The following DEK variants were observed in gnomAD, a reference collection of about 807,000 sequenced individuals.
DEK encodes the protein protein DEK.
A neutral mutation model predicts 46.8 loss-of-function variants in DEK; 28 were observed. The ratio of observed to expected loss-of-function variants is 0.60; its 90% CI spans 0.44 to 0.82. The LOEUF is 0.82. DEK is among the 40% of genes least tolerant of loss of function. The pLI is 0.00. For missense variants in DEK, 416 were observed against 430.6 expected (o/e 0.97, Z 0.30); for synonymous variants, 160 against 144.5 (o/e 1.11, Z -0.77).
At position 18,263,853 on chromosome 6, in the gene DEK, C is replaced by G; in HGVS notation, c.135G>C (p.Glu45Asp). The G allele has an allele frequency of 6.2e-7, 1 of 1,611,542 alleles. No homozygotes were observed. Among genetic ancestry groups the G allele is most frequent in the Non-Finnish European group, 8.5e-7 (1 of 1,178,798 alleles). Residue 45 changes from glutamate to aspartate, a missense_variant, in exon 2 of 11, where the codon GAG becomes GAC. By Grantham distance (45) the Glu-to-Asp change is conservative. Coordinates refer to ENST00000652689, the MANE Select transcript of DEK (RefSeq NM_003472.4). ...TGCGACTCCCCCCACCTTTTTCCTC[C>G]TCCTCCTCCTCCTCGTCGTCCTCGT... ...EEDEDDEEEE[E>D]EEKEKSLIVE...
chr6:18,241,896 A>C (rs1421101072), intron 7 of DEK, among the ~76,000 whole-genome samples: 1 of 152,218 alleles, frequency 6.6e-6, no homozygotes, highest in Non-Finnish European at 1.5e-5. Flanking sequence ...TATATACAGT[A>C]AAGGCAGGAA....
rs545586055 is a variant in DEK, at chr6:18,225,315, C to T, written c.*404G>A. The T allele has an allele frequency of 3.4e-5, 8 of 236,746 alleles. No individual in the cohort carries two copies. In the East Asian group the frequency reaches 4.9e-4, roughly 15 times the overall value. The allele number at this position is 236,746 out of a possible 1,614,324, so 14.7% of individuals were successfully genotyped here. On this transcript the variant is annotated 3_prime_UTR_variant, in exon 11 of 11. Coordinates refer to ENST00000652689, the MANE Select transcript of DEK (RefSeq NM_003472.4). The stretch of plus-strand genomic sequence containing the variant: ...ATGTGTATTCAAAATATTTCATATA[C>T]TAAATACTACAATCTCTGTATGTAT...
chr6:18,255,109 A>G lies in DEK; in HGVS notation c.573+622T>C, dbSNP rs546643396. Among the ~76,000 whole-genome samples, 202 of 152,330 alleles carry G rather than the reference A, an allele frequency of 1.3e-3. 2 individuals are homozygous for G. The highest frequency in any genetic ancestry group is 3.4e-3 in the Middle Eastern group (1 of 294). ...TCACACTAAAAAGGCAAGGTCATGT[A>G]ACACTTCAACAGACATTTTAAGTCA... On this transcript the variant is annotated intron_variant, in intron 6 of 10. Coordinates refer to ENST00000652689, the MANE Select transcript of DEK (RefSeq NM_003472.4).
At chr6:18,260,304 C>G (rs1286327731) in intron 2 of DEK, among the ~76,000 whole-genome samples, 1 of 152,140 alleles carries the variant, frequency 6.6e-6, no homozygotes, top group Non-Finnish European at 1.5e-5. Context: ...AGTACAGATG[C>G]AACCATCCAT....
At chr6:18,248,812 A>AG (rs778020066) in intron 7 of DEK, among the ~76,000 whole-genome samples, 12 of 152,252 alleles carry the variant, frequency 7.9e-5, no homozygotes, top group African/African-American at 1.9e-4. Context: ...GGTTGTCACA[A>AG]GGGGAGCTTG....
At chr6:18,248,015 C>T (rs1791200326) in intron 7 of DEK, among the ~76,000 whole-genome samples, 3 of 151,978 alleles carry the variant, frequency 2.0e-5, no homozygotes, top group South Asian at 4.1e-4. Context: ...CAAGAAGATT[C>T]GATTTAGAAG....
intron 7 of DEK, among the ~76,000 whole-genome samples, chr6:18,248,642 C>A (rs567095574): frequency 6.6e-6 from 1 of 152,244 alleles, no homozygotes; most frequent in African/African-American, 2.4e-5. Flanking sequence ...CTAAAACAAG[C>A]ATGAATTGTA....
At chr6:18,226,034 T>C (rs1790109767) in intron 10 of DEK, 140 bp downstream of exon 10, 9 of 868,362 alleles carry the variant, frequency 1.0e-5, no homozygotes, top group Non-Finnish European at 1.5e-5. Context: ...TGAGAAGAAA[T>C]AAATTTCCCT....
chr6:18,243,039 G>C (rs903762914), intron 7 of DEK, among the ~76,000 whole-genome samples: 3 of 152,170 alleles, frequency 2.0e-5, no homozygotes, highest in African/African-American at 7.2e-5. Flanking sequence ...ATCGGGCTTG[G>C]CATGATCTGC....
rs1436752788 is a variant in DEK, at chr6:18,224,397, A to C, written c.*1322T>G. On this transcript the variant is annotated 3_prime_UTR_variant, in exon 11 of 11. Coordinates refer to ENST00000652689, the MANE Select transcript of DEK (RefSeq NM_003472.4). Reference sequence around the variant, plus strand: ...GTTCTATGATGCAAAGATATTTTTCAACACTTAATTGGTGCAACAAATGTG... The same window carrying C: ...GTTCTATGATGCAAAGATATTTTTCCACACTTAATTGGTGCAACAAATGTG... 5.3e-6 allele frequency: 1 copy of C among 189,850 alleles called. No individual in the cohort carries two copies. The highest frequency in any genetic ancestry group is 2.3e-5 in the African/African-American group (1 of 42,918). 11.8% of individuals were successfully genotyped at this position (189,850 alleles called of 1,614,324 possible).
chr6:18,234,262 C>T (rs998610174), intron 9 of DEK, among the ~76,000 whole-genome samples: 3 of 140,700 alleles, frequency 2.1e-5, no homozygotes, highest in African/African-American at 8.6e-5. Flanking sequence ...GGGTGCAGCA[C>T]ATCAACATGG....
intron 6 of DEK, among the ~76,000 whole-genome samples, 167 bp downstream of exon 6, chr6:18,255,564 A>G (rs1339900648): frequency 6.6e-6 from 1 of 152,234 alleles, no homozygotes; most frequent in Non-Finnish European, 1.5e-5. Context: ...TATGGCATCT[A>G]TATTATTTCT....
At position 18,224,806 on chromosome 6, in the gene DEK, T is replaced by C. The variant is rs1397379271; in HGVS notation, c.*913A>G. 4.7e-6 allele frequency: 1 copy of C among 212,086 alleles called. No individual in the cohort carries two copies. The highest frequency in any genetic ancestry group is 9.6e-6 in the Non-Finnish European group (1 of 104,600). The allele number at this position is 212,086 out of a possible 1,614,324, so 13.1% of individuals were successfully genotyped here. ...TCATTTACTGTAAGCCAAATGTGCT[T>C]GTACTTAATCCCACCCTTTCCCAAA... On this transcript the variant is annotated 3_prime_UTR_variant, in exon 11 of 11. Coordinates refer to ENST00000652689, the MANE Select transcript of DEK (RefSeq NM_003472.4).
At chr6:18,228,311 T>C (rs1030434505) in intron 9 of DEK, among the ~76,000 whole-genome samples, 2 of 152,124 alleles carry the variant, frequency 1.3e-5, no homozygotes, top group Non-Finnish European at 2.9e-5. Flanking sequence ...TAAGATAGAA[T>C]GGATTTAGCC....
intron 2 of DEK, among the ~76,000 whole-genome samples, chr6:18,262,849 C>T (rs1345466217): frequency 6.6e-6 from 1 of 152,182 alleles, no homozygotes; most frequent in Non-Finnish European, 1.5e-5. Flanking sequence ...ATATGCCCTT[C>T]TTAGGGCACA....
chr6:18,243,490 C>A (rs1453097955), intron 7 of DEK, among the ~76,000 whole-genome samples: 1 of 152,144 alleles, frequency 6.6e-6, no homozygotes, highest in Non-Finnish European at 1.5e-5. Flanking sequence ...TTAGTTTCAT[C>A]TCTCATTGCT....
intron 9 of DEK, among the ~76,000 whole-genome samples, chr6:18,232,589 A>G (rs936369119): frequency 6.6e-6 from 1 of 152,172 alleles, no homozygotes; most frequent in African/African-American, 2.4e-5. Context: ...GAGCCAAATA[A>G]TGAGTGAATT....
Position 18,236,599 on chromosome 6 carries a change from T to C in DEK, c.900A>G (p.Glu300=). 1 of 1,487,132 alleles carries C rather than the reference T, an allele frequency of 6.7e-7. No individual in the cohort carries two copies. Among genetic ancestry groups the C allele is most frequent in the Non-Finnish European group, 8.9e-7 (1 of 1,118,958 alleles). The allele number at this position is 1,487,132 out of a possible 1,614,324, so 92.1% of individuals were successfully genotyped here. A position where few individuals can be genotyped will look rare whatever the true frequency, so the allele number is the denominator to read the frequency against. ...CATCTGAACTATCCTCAGACTCACT[T>C]TCTAAAAGTAATATAATAATAATAA... ...TKKNQNSSKK[E]SESEDSSDDE... The change falls in exon 9 of 11, where the codon GAA becomes GAG. Residue 300 remains glutamate (E), a splice_region_variant and synonymous_variant. Coordinates refer to ENST00000652689, the MANE Select transcript of DEK (RefSeq NM_003472.4).
intron 7 of DEK, among the ~76,000 whole-genome samples, chr6:18,238,301 A>AAT (rs1432375384): frequency 6.6e-6 from 1 of 152,238 alleles, no homozygotes; most frequent in African/African-American, 2.4e-5. Flanking sequence ...CAGTCACATT[A>AAT]ATAAACATGC....
Sources: gnomAD v4.1 joint callset for allele counts (sites outside exome capture counted in the v4.1 genomes callset) on GRCh38, gnomAD v4.1.1 for gene constraint, MANE v1.5 for transcripts, NCBI Gene and HGNC (gene_info 2026-07-23, HGNC 2026-07-21) for gene names.